The following LRRC75A variants were observed in gnomAD, a reference collection of about 807,000 sequenced individuals.
LRRC75A encodes the protein leucine-rich repeat-containing protein 75A.
In LRRC75A, 12 loss-of-function variants were observed where a neutral mutation model predicts 26.0. The ratio of observed to expected loss-of-function variants is 0.46; its 90% CI spans 0.30 to 0.75. The LOEUF is 0.75. LRRC75A is among the 30% of genes least tolerant of loss of function. The probability of loss-of-function intolerance (pLI) is 0.08; values close to 1 mark genes in which losing one functional copy is unlikely to be tolerated. For missense variants in LRRC75A, 410 were observed against 486.6 expected (o/e 0.84, Z 1.48); for synonymous variants, 223 against 219.3 (o/e 1.02, Z -0.15).
At chr17:16,464,985 T>G (rs2143212348) in intron 1 of LRRC75A, among the ~76,000 whole-genome samples, 1 of 152,186 alleles carries the variant, frequency 6.6e-6, no homozygotes, top group East Asian at 1.9e-4. Flanking sequence ...CTCCCCTTCC[T>G]GGGGACAGGG....
intron 3 of LRRC75A, among the ~76,000 whole-genome samples, chr17:16,445,757 G>A (rs1300561111): frequency 6.6e-6 from 1 of 152,230 alleles, no homozygotes; most frequent in Non-Finnish European, 1.5e-5. Context: ...TAACTTTGGT[G>A]CTATTATCAA....
chr17:16,489,322 A>G (rs746326583), intron 1 of LRRC75A, among the ~76,000 whole-genome samples: 1 of 152,122 alleles, frequency 6.6e-6, no homozygotes, highest in Non-Finnish European at 1.5e-5. Flanking sequence ...GTGCCTGCTC[A>G]TTGACTCCCA....
Position 16,462,877 on chromosome 17 carries a change from G to C in LRRC75A, c.247-491C>G, listed in dbSNP as rs750483126. On this transcript the variant is annotated intron_variant, in intron 1 of 3. Transcript: ENST00000470794. This position sits in a 1 kb window ranked among gnomAD's most constrained non-coding sequence, Gnocchi z 4.6. ...CCTTTGCCTTGGGGGTTTCTGAGTG[G>C]TGGGGTTGTAAGCAGATCCTGCCAG... The C allele has an allele frequency of 1.2e-5, 2 of 167,892 alleles. No individual in the cohort carries two copies. Among genetic ancestry groups the C allele is most frequent in the Non-Finnish European group, 2.6e-5 (2 of 77,510 alleles). The allele number at this position is 167,892 out of a possible 1,614,324, so 10.4% of individuals were successfully genotyped here.
intron 2 of LRRC75A, among the ~76,000 whole-genome samples, chr17:16,451,793 G>C (rs1306599814): frequency 6.7e-6 from 1 of 149,554 alleles, no homozygotes; most frequent in East Asian, 2.1e-4. Flanking sequence ...CGCCCAGGAT[G>C]GAGTGTAGTG....
Position 16,491,929 on chromosome 17 carries a change from C to T in LRRC75A, c.62G>A (p.Gly21Asp), listed in dbSNP as rs1201763345. The T allele has an allele frequency of 1.8e-5, 22 of 1,249,224 alleles. No homozygotes were observed. The highest frequency in any genetic ancestry group is 3.1e-4 in the Middle Eastern group (1 of 3,186). 77.4% of individuals were successfully genotyped at this position (1,249,224 alleles called of 1,614,324 possible). Reference sequence around the variant, plus strand: ...GAAGTCCGGCCGTTCGCGTCGGGGGCCCGGCGCGGCGCCGGGGCTGGCTCT... The same window carrying T: ...GAAGTCCGGCCGTTCGCGTCGGGGGTCCGGCGCGGCGCCGGGGCTGGCTCT... Reference protein sequence around the residue: ...AERASPGAAPGPRRERPDFWA... With the variant: ...AERASPGAAPDPRRERPDFWA... The change falls in exon 1 of 4, where the codon GGC (glycine) becomes GAC (aspartate). Residue 21 changes from glycine (G) to aspartate (D), a missense_variant. Transcript: ENST00000470794. This position sits in a 1 kb window ranked among gnomAD's most constrained non-coding sequence, Gnocchi z 5.9.
Position 16,487,529 on chromosome 17 carries a change from C to T in LRRC75A, c.246+4216G>A, listed in dbSNP as rs140710641. Among the ~76,000 whole-genome samples the T allele has an allele frequency of 3.9e-4, 60 of 152,276 alleles. 1 individual carries two copies. In the East Asian group the frequency reaches 0.011, roughly 29 times the overall value. On this transcript the variant is annotated intron_variant, in intron 1 of 3. Transcript: ENST00000470794. ...TCTCGGCTCACTGCAACCTCTGCTT[C>T]CCAAGCTCAAGCCATCCTCCTACCT...
chr17:16,443,889 G>GCCCGGGTCAA lies in LRRC75A; in HGVS notation c.724_733dup (p.Ala245ValfsTer11). The GCCCGGGTCAA allele has an allele frequency of 6.2e-7, 1 of 1,613,382 alleles. No individual in the cohort carries two copies. The highest frequency in any genetic ancestry group is 1.1e-5 in the South Asian group (1 of 91,070). On this transcript the variant is annotated frameshift_variant, in exon 4 of 4. Coordinates refer to ENST00000470794, the MANE Select transcript of LRRC75A (RefSeq NM_001113567.3). LOFTEE classifies it high-confidence loss of function. ...GATGTCAGTGAGGTCGCGCAGCACGGCCCGGGTCAACCGGTTGCCATTGAG... is the reference window on the plus strand; with the variant it reads ...GATGTCAGTGAGGTCGCGCAGCACGGCCCGGGTCAACCCGGGTCAACCGGTTGCCATTGAG...
chr17:16,448,029 C>A (rs1422813145), intron 2 of LRRC75A, 69 bp from the exon 3 acceptor site: 2 of 1,397,006 alleles, frequency 1.4e-6, no homozygotes, highest in African/African-American at 2.9e-5. Flanking sequence ...CCCAGGCTTC[C>A]TGTCTCCCGG....
rs1162187208 is a variant in LRRC75A, at chr17:16,442,610, C to G, written c.*978G>C. On this transcript the variant is annotated 3_prime_UTR_variant, in exon 4 of 4. Coordinates refer to ENST00000470794, the MANE Select transcript of LRRC75A (RefSeq NM_001113567.3). Reference sequence around the variant, plus strand: ...TCCCCAGCCATCTTGTTGGATCTGCCAAGGGATTGGACTCCTTCATTGTCC... The same window carrying G: ...TCCCCAGCCATCTTGTTGGATCTGCGAAGGGATTGGACTCCTTCATTGTCC... 1.3e-5 allele frequency: 2 copies of G among 152,248 alleles called. No individual in the cohort carries two copies. The highest frequency in any genetic ancestry group is 3.8e-4 in the East Asian group (2 of 5,198). 9.4% of individuals were successfully genotyped at this position (152,248 alleles called of 1,614,324 possible).
At chr17:16,475,959 G>A (rs9748114) in intron 1 of LRRC75A, among the ~76,000 whole-genome samples, 4,739 of 152,188 alleles carry the variant, frequency 0.031, 265 homozygotes, top group African/African-American at 0.11. Flanking sequence ...TTGGGAGACC[G>A]AGGTGGGTGG....
At chr17:16,487,024 T>G (rs916758248) in intron 1 of LRRC75A, among the ~76,000 whole-genome samples, 3 of 152,012 alleles carry the variant, frequency 2.0e-5, no homozygotes, top group Non-Finnish European at 4.4e-5. Context: ...TGGTGGTGGG[T>G]CTCCGCCCTC....
chr17:16,446,193 G>C (rs918938191), intron 3 of LRRC75A, among the ~76,000 whole-genome samples: 3 of 152,210 alleles, frequency 2.0e-5, no homozygotes, highest in Non-Finnish European at 4.4e-5. Flanking sequence ...ACAGGCGTGA[G>C]CCACCGTGCC....
chr17:16,480,659 G>A (rs556607295), intron 1 of LRRC75A, among the ~76,000 whole-genome samples: 1 of 145,812 alleles, frequency 6.9e-6, no homozygotes, highest in Non-Finnish European at 1.5e-5. Context: ...AAAAAAACTG[G>A]AGACCACTGA....
rs1239496705 is a variant in LRRC75A, at chr17:16,443,006, A to G, written c.*582T>C. ...TCCTATGGGCAGATGCCTAGAATCA[A>G]GGTGGGCCTCAGAAATAGGGCTGGG... On this transcript the variant is annotated 3_prime_UTR_variant, in exon 4 of 4. Transcript: ENST00000470794. 1 of 152,778 alleles carries G rather than the reference A, an allele frequency of 6.5e-6. No individual in the cohort carries two copies. The highest frequency in any genetic ancestry group is 1.5e-5 in the Non-Finnish European group (1 of 68,468). The allele number at this position is 152,778 out of a possible 1,614,324, so 9.5% of individuals were successfully genotyped here.
At chr17:16,450,725 G>T (rs1029643442) in intron 2 of LRRC75A, among the ~76,000 whole-genome samples, 2 of 152,224 alleles carry the variant, frequency 1.3e-5, no homozygotes, top group African/African-American at 4.8e-5. Context: ...GGCTGCAGGG[G>T]AGTCCCTCAA....
Position 16,491,754 on chromosome 17 carries a change from G to A in LRRC75A, c.237C>T (p.His79=). ...CCCTCCCCGCGCTCACCTGGCGCAGGTGCTGCAGCAGCGTCCCCGCCTCCT... is the reference window on the plus strand; with the variant it reads ...CCCTCCCCGCGCTCACCTGGCGCAGATGCTGCAGCAGCGTCCCCGCCTCCT... ...RREEAGTLLQ[H]LRQDLGMEST... Residue 79 remains histidine, a synonymous_variant, in exon 1 of 4, where the codon CAC becomes CAT. Coordinates refer to ENST00000470794, the MANE Select transcript of LRRC75A (RefSeq NM_001113567.3). The surrounding 1 kb of genome is among the most constrained non-coding windows in gnomAD (Gnocchi z 5.9). 5.0e-6 allele frequency: 7 copies of A among 1,409,020 alleles called. No individual in the cohort carries two copies. The highest frequency in any genetic ancestry group is 6.5e-6 in the Non-Finnish European group (7 of 1,081,066). 87.3% of individuals were successfully genotyped at this position (1,409,020 alleles called of 1,614,324 possible). A position where few individuals can be genotyped will look rare whatever the true frequency, so the allele number is the denominator to read the frequency against.
rs200230329 is a variant in LRRC75A at position 16,462,221 on chromosome 17, C to G, written c.375+37G>C. The G allele has an allele frequency of 1.2e-6, 2 of 1,612,810 alleles. No individual in the cohort carries two copies. Among genetic ancestry groups the G allele is most frequent in the Admixed American group, 1.7e-5 (1 of 59,910 alleles). On this transcript the variant is annotated intron_variant, in intron 2 of 3. Transcript: ENST00000470794. The surrounding 1 kb of genome is among the most constrained non-coding windows in gnomAD (Gnocchi z 4.6). ...GCCCAGAAAGGCACCCACCGCACACCCCGGGACCTGGCTGGCTCGGACCAC... is the reference window on the plus strand; with the variant it reads ...GCCCAGAAAGGCACCCACCGCACACGCCGGGACCTGGCTGGCTCGGACCAC...
In LRRC75A at chr17:16,453,275, T is replaced by C. The variant is rs564174679; in HGVS notation, c.376-5315A>G. 4.6e-5 allele frequency among the ~76,000 whole-genome samples: 7 copies of C among 150,828 alleles called. No homozygotes were observed. The East Asian group carries it at 1.2e-3, about 25-fold the overall frequency. Reference sequence around the variant, plus strand: ...CTGAACTCTGGCCTGGGCGCCAGAGTGGGACTGGTGTGGGACTCCTAAACA... The same window carrying C: ...CTGAACTCTGGCCTGGGCGCCAGAGCGGGACTGGTGTGGGACTCCTAAACA... On this transcript the variant is annotated intron_variant, in intron 2 of 3. Coordinates refer to ENST00000470794, the MANE Select transcript of LRRC75A (RefSeq NM_001113567.3).
chr17:16,452,739 G>T (rs1267236111), intron 2 of LRRC75A, among the ~76,000 whole-genome samples: 6 of 151,918 alleles, frequency 3.9e-5, no homozygotes, highest in Non-Finnish European at 7.4e-5. Flanking sequence ...TGGCCACACG[G>T]GGATTTTTAA....
Sources: gnomAD v4.1 joint callset for allele counts (sites outside exome capture counted in the v4.1 genomes callset) on GRCh38, gnomAD v4.1.1 for gene constraint, Gnocchi (gnomAD v3.1) non-coding constraint, MANE v1.5 for transcripts, NCBI Gene and HGNC (gene_info 2026-07-23, HGNC 2026-07-21) for gene names.